Variants in FOXO3 observed in about 807,000 individuals in gnomAD.
FOXO3 encodes the protein forkhead box O3.
Under a neutral mutation model 41.9 loss-of-function variants are expected in FOXO3, and 4 were observed. That is an observed-to-expected ratio of 0.10 (90% CI 0.05 to 0.22). FOXO3 has a LOEUF of 0.22. FOXO3 is among the 10% of genes least tolerant of loss of function. The probability of loss-of-function intolerance (pLI) is 1.00; values close to 1 mark genes in which losing one functional copy is unlikely to be tolerated. For missense variants in FOXO3, 534 were observed against 906.8 expected (o/e 0.59, Z 5.28); for synonymous variants, 318 against 389.3 (o/e 0.82, Z 2.16).
intron 1 of FOXO3, among the ~76,000 whole-genome samples, chr6:108,657,564 T>A (rs969482255): frequency 5.3e-5 from 8 of 152,222 alleles, no homozygotes; most frequent in Non-Finnish European, 7.3e-5. Flanking sequence ...TAGATGTGAT[T>A]AGAAAAATCA....
chr6:108,619,264 G>A (rs564696610), intron 1 of FOXO3, among the ~76,000 whole-genome samples: 4 of 152,338 alleles, frequency 2.6e-5, no homozygotes, highest in African/African-American at 9.6e-5. Context: ...CACAGACGTG[G>A]CATTCTTTAC....
chr6:108,632,193 G>C (rs1187463129), intron 1 of FOXO3, among the ~76,000 whole-genome samples: 1 of 152,148 alleles, frequency 6.6e-6, no homozygotes, highest in African/African-American at 2.4e-5. Flanking sequence ...TTTTAGATGC[G>C]GTGCTAGGCG....
chr6:108,677,152 A>T (rs1770633636), intron 2 of FOXO3, among the ~76,000 whole-genome samples: 1 of 152,116 alleles, frequency 6.6e-6, no homozygotes, highest in African/African-American at 2.4e-5. Context: ...TGCCTGGGGG[A>T]CCTCAGCGGA....
chr6:108,622,778 G>T (rs1351033937), intron 1 of FOXO3, among the ~76,000 whole-genome samples: 1 of 152,084 alleles, frequency 6.6e-6, no homozygotes, highest in East Asian at 1.9e-4. Context: ...CTCTGAGCAA[G>T]GGTGGCAGCA....
intron 1 of FOXO3, among the ~76,000 whole-genome samples, chr6:108,621,627 A>G (rs774566735): frequency 6.6e-6 from 1 of 152,008 alleles, no homozygotes; most frequent in Non-Finnish European, 1.5e-5. Context: ...CCTGCAGTGC[A>G]TAGGAGAGGC....
intron 1 of FOXO3, among the ~76,000 whole-genome samples, chr6:108,628,082 A>G (rs1777863167): frequency 6.6e-6 from 1 of 152,108 alleles, no homozygotes; most frequent in South Asian, 2.1e-4. Context: ...AGGTTTAGTG[A>G]AGTAATGTTG....
At chr6:108,633,097 A>G (rs1200596361) in intron 1 of FOXO3, among the ~76,000 whole-genome samples, 1 of 152,208 alleles carries the variant, frequency 6.6e-6, no homozygotes, top group Non-Finnish European at 1.5e-5. Flanking sequence ...CAAAAACTCT[A>G]AGGAGCATCT....
intron 1 of FOXO3, among the ~76,000 whole-genome samples, chr6:108,565,044 A>C (rs898034816): frequency 6.6e-6 from 1 of 152,146 alleles, no homozygotes; most frequent in African/African-American, 2.4e-5. Context: ...GTCTCACATA[A>C]GTAGCGCTTG....
intron 1 of FOXO3, among the ~76,000 whole-genome samples, chr6:108,565,397 T>C (rs1002906588): frequency 1.3e-5 from 2 of 152,212 alleles, no homozygotes; most frequent in African/African-American, 4.8e-5. Context: ...TTTCCTTTAA[T>C]TCAGATTAAG....
At chr6:108,648,831 CA>C (rs59589964) in intron 1 of FOXO3, among the ~76,000 whole-genome samples, 1 of 148,406 alleles carries the variant, frequency 6.7e-6, no homozygotes, top group Non-Finnish European at 1.5e-5. Context: ...CCCATCTCTA[CA>C]AAAAAAAATA....
At position 108,682,228 on chromosome 6, in the gene FOXO3, C is replaced by G. The variant is rs1474668703; in HGVS notation, c.*2436C>G. 2 of 152,580 alleles carry G rather than the reference C, an allele frequency of 1.3e-5. No homozygotes were observed. The highest frequency in any genetic ancestry group is 4.8e-5 in the African/African-American group (2 of 41,416). The allele number at this position is 152,580 out of a possible 1,614,324, so 9.5% of individuals were successfully genotyped here. On this transcript the variant is annotated 3_prime_UTR_variant, in exon 3 of 3. Transcript: ENST00000406360. ...ATGGTATCTCATTTATTCTCCTTTT[C>G]TAGCGTTTGTTGAATTTCAGGCAGA...
In FOXO3 at chr6:108,561,352, G is replaced by C. The variant is rs758685230; in HGVS notation, c.144G>C (p.Ser48=). The part of the protein sequence containing the change: ...PELQASPAKP[S]GETAADSMIP... ...TCCAAGCGAGCCCTGCCAAGCCCTC[G>C]GGGGAGACGGCCGCCGACTCCATGA... is the stretch of plus-strand genomic sequence containing the variant. Residue 48 remains serine, a synonymous_variant, in exon 1 of 3, where the codon TCG becomes TCC. Transcript: ENST00000406360. 1 of 1,568,224 alleles carries C rather than the reference G, an allele frequency of 6.4e-7. No individual in the cohort carries two copies. The highest frequency in any genetic ancestry group is 1.9e-5 in the Admixed American group (1 of 53,678).
intron 1 of FOXO3, among the ~76,000 whole-genome samples, chr6:108,662,864 A>G (rs12196996): frequency 0.087 from 13,243 of 152,234 alleles, 615 homozygotes; most frequent in East Asian, 0.15. Flanking sequence ...AATATGGGCA[A>G]TATAATTACA....
intron 1 of FOXO3, among the ~76,000 whole-genome samples, chr6:108,660,104 G>T (rs1443203124): frequency 6.6e-6 from 1 of 152,128 alleles, no homozygotes; most frequent in Non-Finnish European, 1.5e-5. Flanking sequence ...TAGGGTAGGT[G>T]TCCACATTTC....
Position 108,663,797 on chromosome 6 carries a change from G to A in FOXO3, c.964G>A (p.Gly322Ser), listed in dbSNP as rs1288497303. 2 of 1,613,926 alleles carry A rather than the reference G, an allele frequency of 1.2e-6. No individual in the cohort carries two copies. Among genetic ancestry groups the A allele is most frequent in the Non-Finnish European group, 1.7e-6 (2 of 1,179,814 alleles). The change falls in exon 2 of 3, where the codon GGC (glycine) becomes AGC (serine). Residue 322 changes from glycine (G) to serine (S), a missense_variant. Gly to Ser is a moderately conservative substitution (Grantham distance 56, BLOSUM62 0). This residue lies in a region of FOXO3 where 185 missense variants were observed against 224.9 expected (regional missense o/e 0.82). Transcript: ENST00000406360. ...RTNSNASTVS[G>S]RLSPIMASTE... ...CAATTCTAACGCCAGCACAGTCAGT[G>A]GCCGCCTGTCGCCCATCATGGCAAG... is the stretch of plus-strand genomic sequence containing the variant.
At chr6:108,636,662 T>C (rs565345090) in intron 1 of FOXO3, among the ~76,000 whole-genome samples, 7 of 152,250 alleles carry the variant, frequency 4.6e-5, no homozygotes, top group Non-Finnish European at 1.0e-4. Context: ...GATGGAGGTC[T>C]CCAGGGTGTG....
Position 108,680,528 on chromosome 6 carries a change from G to A in FOXO3, c.*736G>A, listed in dbSNP as rs1044959. 34 of 152,394 alleles carry A rather than the reference G, an allele frequency of 2.2e-4. No homozygotes were observed. Among genetic ancestry groups the A allele is most frequent in the African/African-American group, 7.5e-4 (31 of 41,522 alleles). The allele number at this position is 152,394 out of a possible 1,614,324, so 9.4% of individuals were successfully genotyped here. A position where few individuals can be genotyped will look rare whatever the true frequency, so the allele number is the denominator to read the frequency against. On this transcript the variant is annotated 3_prime_UTR_variant, in exon 3 of 3. Coordinates refer to ENST00000406360, the MANE Select transcript of FOXO3 (RefSeq NM_001455.4). ...ACAGCGTCCGGCCCAGTGTGTTTCC[G>A]GTTCTGAGTCAGGGTGATCTGTGGA...
At chr6:108,577,177 T>C (rs539698097) in intron 1 of FOXO3, among the ~76,000 whole-genome samples, 6 of 144,508 alleles carry the variant, frequency 4.2e-5, no homozygotes, top group Admixed American at 7.2e-5. Flanking sequence ...AAAAGTTCTT[T>C]GCCCCAAGTT....
intron 2 of FOXO3, among the ~76,000 whole-genome samples, chr6:108,678,351 A>G (rs1562270548): frequency 6.6e-6 from 1 of 152,212 alleles, no homozygotes; most frequent in Non-Finnish European, 1.5e-5. Context: ...TTGTTTCACT[A>G]CCACTTTTCT....
Sources: gnomAD v4.1 joint callset for allele counts (sites outside exome capture counted in the v4.1 genomes callset) on GRCh38, gnomAD v4.1.1 for gene constraint, gnomAD v4.1.1 regional missense constraint, MANE v1.5 for transcripts, NCBI Gene and HGNC (gene_info 2026-07-23, HGNC 2026-07-21) for gene names.